SMURF2: variants seen among roughly 807,000 people sequenced by gnomAD.
The protein encoded by SMURF2 is SMAD specific E3 ubiquitin protein ligase 2.
In SMURF2, 48 loss-of-function variants were observed where a neutral mutation model predicts 109.6. The observed-to-expected ratio is 0.44, with a 90% confidence interval of 0.35 to 0.56. The LOEUF (loss-of-function observed/expected upper bound fraction) is 0.56, where lower values mean the gene tolerates loss of function less well. Ranked by LOEUF, SMURF2 falls within the 20% of genes least tolerant of loss-of-function variation. SMURF2 has a pLI of 0.01. For synonymous variants in SMURF2, 288 were observed against 317.1 expected (o/e 0.91, Z 0.97); for missense variants, 575 against 909.0 (o/e 0.63, Z 4.72).
chr17:64,637,209 C>T (rs1267475128), intron 1 of SMURF2, among the ~76,000 whole-genome samples: 3 of 150,946 alleles, frequency 2.0e-5, no homozygotes, highest in Non-Finnish European at 4.4e-5. Flanking sequence ...TCACTACAAT[C>T]TCCGCCTCCC....
chr17:64,620,371 G>A (rs1287352119), intron 1 of SMURF2, among the ~76,000 whole-genome samples: 1 of 152,186 alleles, frequency 6.6e-6, no homozygotes, highest in Non-Finnish European at 1.5e-5. Context: ...TAGGAAAAGA[G>A]TTTAGGCATT....
chr17:64,654,555 T>C (rs1212351528), intron 1 of SMURF2, among the ~76,000 whole-genome samples: 4 of 151,854 alleles, frequency 2.6e-5, no homozygotes, highest in African/African-American at 9.7e-5. Flanking sequence ...ATCAGCTGGG[T>C]GCGGTGGCTC....
chr17:64,612,372 G>A (rs1555689665), intron 1 of SMURF2, among the ~76,000 whole-genome samples: 1 of 151,954 alleles, frequency 6.6e-6, no homozygotes. Context: ...TTTGATTTAA[G>A]AAATCTTATT....
chr17:64,578,947 G>C (rs1235906291), intron 8 of SMURF2, among the ~76,000 whole-genome samples: 1 of 152,220 alleles, frequency 6.6e-6, no homozygotes, highest in Admixed American at 6.5e-5. Context: ...GGAACTTCCA[G>C]AAATTTTCAA....
intron 8 of SMURF2, 47 bp from the exon 9 acceptor site, chr17:64,578,623 G>A (rs372485986): frequency 1.8e-5 from 23 of 1,296,660 alleles, no homozygotes; most frequent in Non-Finnish European, 2.6e-5. Context: ...AGAGTGTCCA[G>A]ATCAAAGACA....
Position 64,546,343 on chromosome 17 carries a change from A to C in SMURF2, c.2072-5T>G. The stretch of plus-strand genomic sequence containing the variant: ...AGAGTCTCGGGCCTGCAGCACCTGC[A>C]AATGAAGGAAATGTGGATGAAATCA... On this transcript the variant is annotated splice_polypyrimidine_tract_variant and splice_region_variant and intron_variant, in intron 17 of 18. Transcript: ENST00000262435. The C allele has an allele frequency of 6.2e-7, 1 of 1,613,582 alleles. No individual in the cohort carries two copies. Among genetic ancestry groups the C allele is most frequent in the Non-Finnish European group, 8.5e-7 (1 of 1,179,672 alleles).
intron 3 of SMURF2, among the ~76,000 whole-genome samples, chr17:64,597,247 T>C (rs1480608023): frequency 6.6e-6 from 1 of 151,666 alleles, no homozygotes; most frequent in Admixed American, 6.6e-5. Flanking sequence ...CTACAAAAAA[T>C]TACCTTAAAA....
intron 1 of SMURF2, among the ~76,000 whole-genome samples, chr17:64,631,882 C>T (rs947036697): frequency 6.9e-6 from 1 of 145,982 alleles, no homozygotes; most frequent in Non-Finnish European, 1.5e-5. Flanking sequence ...AGCAAAACTG[C>T]ACTTTGCTAT....
intron 9 of SMURF2, among the ~76,000 whole-genome samples, chr17:64,574,551 T>C (rs766807277): frequency 5.3e-5 from 8 of 152,236 alleles, no homozygotes; most frequent in Non-Finnish European, 1.0e-4. Context: ...GATATTGTAA[T>C]AGAAACTAAA....
chr17:64,575,478 C>T (rs1969477282), intron 9 of SMURF2, among the ~76,000 whole-genome samples: 1 of 151,834 alleles, frequency 6.6e-6, no homozygotes, highest in African/African-American at 2.4e-5. Flanking sequence ...AAACTAACAG[C>T]TTATATTGTC....
intron 3 of SMURF2, among the ~76,000 whole-genome samples, chr17:64,596,376 A>G (rs1434450673): frequency 5.3e-5 from 8 of 151,986 alleles, no homozygotes; most frequent in Non-Finnish European, 1.0e-4. Context: ...TCTACTCAAC[A>G]GTATGGATCT....
chr17:64,595,854 AAC>A (rs1483879012), intron 3 of SMURF2, among the ~76,000 whole-genome samples: 2 of 152,238 alleles, frequency 1.3e-5, no homozygotes, highest in East Asian at 3.8e-4. Flanking sequence ...AAAAGAAAAT[AAC>A]AGTGACAGAG....
rs145245494 is a variant in SMURF2 at position 64,557,617 on chromosome 17, T to C, written c.1422A>G (p.Ala474=). ...TAACTTCAAATCATACCGGATTAAC[T>C]GCAGAATCAGGATTGATCTGCAATG... is the stretch of plus-strand genomic sequence containing the variant. ...IYTLQINPDS[A]VNPEHLSYFH... Residue 474 remains alanine (A), a synonymous_variant, in exon 13 of 19, where the codon GCA becomes GCG. Transcript: ENST00000262435. 1.3e-6 allele frequency: 2 copies of C among 1,589,004 alleles called. No homozygotes were observed. The highest frequency in any genetic ancestry group is 1.7e-5 in the Admixed American group (1 of 59,058).
At chr17:64,546,462 A>G in intron 17 of SMURF2, 124 bp from the exon 18 acceptor site, 1 of 733,934 alleles carries the variant, frequency 1.4e-6, no homozygotes, top group South Asian at 1.9e-5. Flanking sequence ...ATGAATCCAC[A>G]CATACTACCA....
At chr17:64,657,204 C>T (rs1970716712) in intron 1 of SMURF2, among the ~76,000 whole-genome samples, 1 of 152,096 alleles carries the variant, frequency 6.6e-6, no homozygotes, top group Non-Finnish European at 1.5e-5. Flanking sequence ...TCATAGAGGA[C>T]AGTTCAACTC....
chr17:64,584,190 C>A (rs1969615149), intron 6 of SMURF2, among the ~76,000 whole-genome samples: 1 of 150,938 alleles, frequency 6.6e-6, no homozygotes, highest in African/African-American at 2.4e-5. Flanking sequence ...TGGTAGCATG[C>A]GCCTGTAATC....
In SMURF2 at chr17:64,612,946, T is replaced by C. The variant is rs534672752; in HGVS notation, c.53-6306A>G. Among the ~76,000 whole-genome samples the C allele has an allele frequency of 2.6e-5, 4 of 152,266 alleles. No homozygotes were observed. The East Asian group carries it at 7.7e-4, about 29-fold the overall frequency. ...ATTAACTTAAAACAAAGAAATAATATCAAGATTGGTCAGACCGCTATGCTT... is the reference window on the plus strand; with the variant it reads ...ATTAACTTAAAACAAAGAAATAATACCAAGATTGGTCAGACCGCTATGCTT... On this transcript the variant is annotated intron_variant, in intron 1 of 18. Coordinates refer to ENST00000262435, the MANE Select transcript of SMURF2 (RefSeq NM_022739.4).
intron 1 of SMURF2, among the ~76,000 whole-genome samples, chr17:64,651,569 C>A (rs1970641027): frequency 7.0e-6 from 1 of 143,406 alleles, no homozygotes. Flanking sequence ...AAGACCCTAC[C>A]TCAGAAAAAA....
At chr17:64,560,055 T>A (rs79746194) in intron 12 of SMURF2, among the ~76,000 whole-genome samples, 1 of 143,880 alleles carries the variant, frequency 7.0e-6, no homozygotes, top group Non-Finnish European at 1.5e-5. Context: ...CCTGGCCAAA[T>A]TTTTTTTTTT....
Sources: gnomAD v4.1 joint callset for allele counts (sites outside exome capture counted in the v4.1 genomes callset) on GRCh38, gnomAD v4.1.1 for gene constraint, MANE v1.5 for transcripts, NCBI Gene and HGNC (gene_info 2026-07-23, HGNC 2026-07-21) for gene names.